The following PDE4D variants were observed in gnomAD, a reference collection of about 807,000 sequenced individuals.
The protein encoded by PDE4D is phosphodiesterase 4D.
PDE4D carries 24 observed loss-of-function variants against 87.4 expected under a neutral mutation model. The ratio of observed to expected loss-of-function variants is 0.27; its 90% CI spans 0.20 to 0.39. PDE4D has a LOEUF of 0.39. Among genes scored for constraint, PDE4D ranks in the 10% least tolerant of loss-of-function variants. The pLI, the probability that PDE4D is intolerant of heterozygous loss-of-function variation, is 1.00. For synonymous variants in PDE4D, 384 were observed against 383.2 expected, an observed-to-expected ratio of 1.00 and a Z score of -0.02; for missense variants, 714 against 1,041.0, an observed-to-expected ratio of 0.69 and a Z score of 4.32.
At chr5:59,572,520 G>T (rs1036547056) in intron 1 of PDE4D, among the ~76,000 whole-genome samples, 1 of 151,528 alleles carries the variant, frequency 6.6e-6, no homozygotes. Context: ...TTGCTCTTTC[G>T]CCCAGGCCGG....
intron 2 of PDE4D, among the ~76,000 whole-genome samples, chr5:60,064,454 C>T (rs1554144685): frequency 2.0e-5 from 3 of 152,022 alleles, no homozygotes; most frequent in East Asian, 1.9e-4. Flanking sequence ...TCAGAGCTCT[C>T]GTTGTGCTGT....
intron 1 of PDE4D, among the ~76,000 whole-genome samples, chr5:59,810,174 G>A (rs1387039146): frequency 1.3e-5 from 2 of 152,144 alleles, no homozygotes; most frequent in Non-Finnish European, 2.9e-5. Flanking sequence ...ACATCAAAAC[G>A]TGGCGTGGGA....
chr5:59,044,702 T>A (rs1034798549), intron 5 of PDE4D, among the ~76,000 whole-genome samples: 5 of 152,228 alleles, frequency 3.3e-5, no homozygotes, highest in African/African-American at 1.2e-4. Flanking sequence ...GCTGCTCTCA[T>A]CTCCAAGTGT....
intron 3 of PDE4D, among the ~76,000 whole-genome samples, chr5:59,932,578 A>G (rs565626976): frequency 2.6e-5 from 4 of 152,318 alleles, no homozygotes; most frequent in African/African-American, 7.2e-5. Context: ...CTGACTTTCA[A>G]GTTTGTACTT....
chr5:60,437,488 T>A (rs549710629), intron 1 of PDE4D, among the ~76,000 whole-genome samples: 1 of 152,218 alleles, frequency 6.6e-6, no homozygotes, highest in South Asian at 2.1e-4. Context: ...CAGCTTGTGG[T>A]TTCATTGAAA....
chr5:60,059,570 A>G (rs1210745715), intron 2 of PDE4D, among the ~76,000 whole-genome samples: 1 of 152,048 alleles, frequency 6.6e-6, no homozygotes, highest in Admixed American at 6.6e-5. Flanking sequence ...ACCACAGGTT[A>G]GATTATCTAG....
At position 60,120,265 on chromosome 5, in the gene PDE4D, TAGATGCACTAACAGG is replaced by T. The variant is rs141830821; in HGVS notation, c.42+65277_42+65291del. ...AGCTTACTGTACTTTGTGAAGAGCATAGATGCACTAACAGGAGAGGTAGTGGGTCTGAGTAACTCC... is the reference window on the plus strand; with the variant it reads ...AGCTTACTGTACTTTGTGAAGAGCATAGAGGTAGTGGGTCTGAGTAACTCC... On this transcript the variant is annotated intron_variant, in intron 2 of 16. Coordinates refer to the PDE4D transcript ENST00000502484. 7.1e-3 allele frequency among the ~76,000 whole-genome samples: 1,078 copies of T among 152,290 alleles called. 21 individuals are homozygous for T. The highest frequency in any genetic ancestry group is 0.046 in the East Asian group (241 of 5,184).
chr5:60,400,567 C>T (rs1281979664), intron 1 of PDE4D, among the ~76,000 whole-genome samples: 2 of 151,200 alleles, frequency 1.3e-5, no homozygotes, highest in Admixed American at 6.6e-5. Context: ...CTTATCAATC[C>T]CCAAGTATAT....
intron 1 of PDE4D, among the ~76,000 whole-genome samples, chr5:59,219,761 GCAAT>G (rs1752055820): frequency 6.6e-6 from 1 of 152,096 alleles, no homozygotes; most frequent in Non-Finnish European, 1.5e-5. Context: ...TATTATATAG[GCAAT>G]CAGACTATGT....
chr5:60,517,157 G>C (rs1471655977), intron 1 of PDE4D, among the ~76,000 whole-genome samples: 1 of 152,218 alleles, frequency 6.6e-6, no homozygotes, highest in African/African-American at 2.4e-5. Context: ...CCCGTGCTCA[G>C]AGTACCACTG....
chr5:60,344,230 T>A (rs1758550723), intron 1 of PDE4D, among the ~76,000 whole-genome samples: 1 of 152,194 alleles, frequency 6.6e-6, no homozygotes, highest in Non-Finnish European at 1.5e-5. Flanking sequence ...ATACTTGCTA[T>A]CTTGCTGCCA....
At chr5:59,881,076 T>C (rs1749362550) in intron 1 of PDE4D, among the ~76,000 whole-genome samples, 1 of 152,184 alleles carries the variant, frequency 6.6e-6, no homozygotes. Flanking sequence ...CTTCTTCTTA[T>C]GAATGTTAAG....
At chr5:59,343,349 C>A (rs967866403) in intron 1 of PDE4D, among the ~76,000 whole-genome samples, 1 of 152,110 alleles carries the variant, frequency 6.6e-6, no homozygotes, top group Admixed American at 6.5e-5. Context: ...CCCCTGGTAA[C>A]CCCCTTCTAT....
intron 1 of PDE4D, among the ~76,000 whole-genome samples, chr5:60,317,781 C>A (rs1391054819): frequency 6.6e-6 from 1 of 152,182 alleles, no homozygotes; most frequent in Non-Finnish European, 1.5e-5. Flanking sequence ...GCTCAGTTTC[C>A]ATGTAGTTGT....
intron 1 of PDE4D, among the ~76,000 whole-genome samples, chr5:59,847,195 G>A (rs1743991384): frequency 6.6e-6 from 1 of 151,980 alleles, no homozygotes; most frequent in Non-Finnish European, 1.5e-5. Context: ...TCCAGAATAT[G>A]AAACCTGTAA....
chr5:59,042,497 C>T (rs1300892651), intron 5 of PDE4D, among the ~76,000 whole-genome samples: 1 of 152,140 alleles, frequency 6.6e-6, no homozygotes, highest in South Asian at 2.1e-4. Context: ...AAATACTTCC[C>T]CTCAACCCCT....
intron 1 of PDE4D, among the ~76,000 whole-genome samples, chr5:59,760,829 G>T (rs917658076): frequency 6.6e-6 from 1 of 152,040 alleles, no homozygotes; most frequent in African/African-American, 2.4e-5. Flanking sequence ...CTTCATTTCC[G>T]TTATAGTAAA....
intron 6 of PDE4D, among the ~76,000 whole-genome samples, chr5:59,019,933 AT>A (rs1273222476): frequency 6.6e-6 from 1 of 152,132 alleles, no homozygotes; most frequent in East Asian, 1.9e-4. Context: ...ATACAGATAC[AT>A]AAAAATCTCA....
At chr5:59,945,879 T>C (rs1757678613) in intron 3 of PDE4D, among the ~76,000 whole-genome samples, 1 of 152,210 alleles carries the variant, frequency 6.6e-6, no homozygotes, top group African/African-American at 2.4e-5. Context: ...GACTCAAGGC[T>C]GGTTTGGTGA....
Sources: gnomAD v4.1 joint callset for allele counts (sites outside exome capture counted in the v4.1 genomes callset) on GRCh38, gnomAD v4.1.1 for gene constraint, MANE v1.5 for transcripts, NCBI Gene and HGNC (gene_info 2026-07-23, HGNC 2026-07-21) for gene names.